CSMD1: variants seen among roughly 807,000 people sequenced by gnomAD.
CSMD1 encodes the protein CUB and Sushi multiple domains 1, also known as CUB and sushi domain-containing protein 1.
In CSMD1, 213 loss-of-function variants were observed where a neutral mutation model predicts 417.5. The ratio of observed to expected loss-of-function variants is 0.51; its 90% confidence interval spans 0.46 to 0.57. The LOEUF is 0.57. CSMD1 is among the 20% of genes least tolerant of loss of function. The pLI, the probability that CSMD1 is intolerant of heterozygous loss-of-function variation, is 0.00. For missense variants in CSMD1, 6,923 were observed against 4,529.7 expected, an observed-to-expected ratio of 1.53 and a Z score of -15.17; for synonymous variants, 2,862 against 1,736.8, an observed-to-expected ratio of 1.65 and a Z score of -16.11.
intron 6 of CSMD1, among the ~76,000 whole-genome samples, chr8:3,727,967 T>C (rs1585142474): frequency 6.6e-6 from 1 of 152,182 alleles, no homozygotes; most frequent in African/African-American, 2.4e-5. Flanking sequence ...GTTTAATGGG[T>C]GCAGACTTTC....
chr8:3,012,825 C>T (rs1307609082), intron 52 of CSMD1, among the ~76,000 whole-genome samples: 7 of 152,140 alleles, frequency 4.6e-5, no homozygotes, highest in African/African-American at 9.7e-5. Context: ...GCTGTGTCCC[C>T]ACCCAAATCT....
chr8:4,324,516 C>T (rs1313442080), intron 3 of CSMD1, among the ~76,000 whole-genome samples: 1 of 152,166 alleles, frequency 6.6e-6, no homozygotes, highest in Non-Finnish European at 1.5e-5. Context: ...AAAGAGGGTT[C>T]TTCTCCACCC....
At chr8:4,573,860 G>C (rs1288075396) in intron 2 of CSMD1, among the ~76,000 whole-genome samples, 1 of 152,182 alleles carries the variant, frequency 6.6e-6, no homozygotes, top group African/African-American at 2.4e-5. Flanking sequence ...GGCTACAGTG[G>C]CTTTGCCGTG....
chr8:3,726,697 G>A (rs138914985), intron 6 of CSMD1, among the ~76,000 whole-genome samples: 1 of 152,140 alleles, frequency 6.6e-6, no homozygotes, highest in Non-Finnish European at 1.5e-5. Context: ...GTGGTACGAG[G>A]TGTATATTTA....
chr8:3,977,991 G>C (rs966793559), intron 5 of CSMD1, among the ~76,000 whole-genome samples: 16 of 152,174 alleles, frequency 1.1e-4, no homozygotes, highest in East Asian at 7.7e-4. Flanking sequence ...CTTACCATGA[G>C]AGCATCTCAT....
intron 2 of CSMD1, among the ~76,000 whole-genome samples, chr8:4,598,331 A>C (rs1366499706): frequency 1.3e-5 from 2 of 152,166 alleles, no homozygotes; most frequent in African/African-American, 2.4e-5. Context: ...AGCAGTCTAA[A>C]CAGCTGAAAA....
At chr8:3,804,138 G>A (rs990963485) in intron 5 of CSMD1, among the ~76,000 whole-genome samples, 1 of 151,888 alleles carries the variant, frequency 6.6e-6, no homozygotes, top group Admixed American at 6.6e-5. Flanking sequence ...CACCATGTTG[G>A]CCAGGCTGGT....
At chr8:3,561,976 TG>T (rs1171038913) in intron 10 of CSMD1, among the ~76,000 whole-genome samples, 2 of 152,150 alleles carry the variant, frequency 1.3e-5, no homozygotes, top group Non-Finnish European at 2.9e-5. Context: ...CTGCAGGGCT[TG>T]CCTTATCTGC....
chr8:3,355,022 G>A (rs1585044405), intron 21 of CSMD1, among the ~76,000 whole-genome samples: 1 of 123,262 alleles, frequency 8.1e-6, no homozygotes, highest in South Asian at 2.3e-4. Flanking sequence ...ATACAGGCAA[G>A]ATATTTTGTT....
intron 3 of CSMD1, among the ~76,000 whole-genome samples, chr8:4,126,806 C>G (rs1447801179): frequency 1.3e-5 from 2 of 152,264 alleles, no homozygotes; most frequent in Non-Finnish European, 1.5e-5. Flanking sequence ...GAGATGTGTC[C>G]TAACCTGGGG....
chr8:4,466,208 A>G (rs1034613843), intron 2 of CSMD1, among the ~76,000 whole-genome samples: 9 of 152,150 alleles, frequency 5.9e-5, no homozygotes, highest in Admixed American at 2.0e-4. Context: ...TGCTTTTATA[A>G]TAGTGAGACA....
At chr8:3,910,838 A>G (rs761195183) in intron 5 of CSMD1, among the ~76,000 whole-genome samples, 24 of 152,232 alleles carry the variant, frequency 1.6e-4, no homozygotes, top group Non-Finnish European at 3.1e-4. Flanking sequence ...CCAAATCTCT[A>G]TCTTATTTCT....
intron 5 of CSMD1, among the ~76,000 whole-genome samples, chr8:3,814,724 TCTTAA>T: frequency 6.6e-6 from 1 of 152,078 alleles, no homozygotes; most frequent in East Asian, 1.9e-4. Context: ...GAAGTAGAAA[TCTTAA>T]CTTAGGTATG....
chr8:3,770,387 G>C lies in CSMD1; in HGVS notation c.819-16345C>G, dbSNP rs1193291047. Among the ~76,000 whole-genome samples, 2 of 152,232 alleles carry C rather than the reference G, an allele frequency of 1.3e-5. 1 individual carries two copies. The highest frequency in any genetic ancestry group is 1.3e-4 in the Admixed American group (2 of 15,296). On this transcript the variant is annotated intron_variant, in intron 5 of 69. Coordinates refer to ENST00000635120, the MANE Select transcript of CSMD1 (RefSeq NM_033225.6). ...CTACTAAAAATACAAAAATTAGCCAGGCACGGTGGTGCGTGCCTGTAATTC... is the reference window on the plus strand; with the variant it reads ...CTACTAAAAATACAAAAATTAGCCACGCACGGTGGTGCGTGCCTGTAATTC...
chr8:4,312,450 C>CGCATATATATATACGT (rs1563435394), intron 3 of CSMD1, among the ~76,000 whole-genome samples: 3 of 123,616 alleles, frequency 2.4e-5, no homozygotes, highest in African/African-American at 1.3e-4. Flanking sequence ...TATATATATA[C>CGCATATATATATACGT]GTATATATAT....
intron 39 of CSMD1, among the ~76,000 whole-genome samples, chr8:3,155,899 T>C (rs1480544698): frequency 6.6e-6 from 1 of 152,190 alleles, no homozygotes; most frequent in African/African-American, 2.4e-5. Context: ...TTTCGTGCAG[T>C]TTTATTTTCC....
At chr8:4,005,171 A>C (rs550882565) in intron 4 of CSMD1, among the ~76,000 whole-genome samples, 9 of 152,254 alleles carry the variant, frequency 5.9e-5, no homozygotes, top group African/African-American at 2.2e-4. Context: ...GATAAAAGAC[A>C]ACATATATGA....
intron 1 of CSMD1, among the ~76,000 whole-genome samples, chr8:4,859,390 A>G (rs1191968467): frequency 2.6e-5 from 4 of 152,310 alleles, no homozygotes; most frequent in East Asian, 1.9e-4. Flanking sequence ...AAAAAGCAAT[A>G]GCAACAAAAG....
intron 2 of CSMD1, among the ~76,000 whole-genome samples, chr8:4,607,375 C>T (rs774623173): frequency 6.6e-5 from 10 of 152,158 alleles, no homozygotes; most frequent in South Asian, 6.2e-4. Flanking sequence ...AGGAATAATA[C>T]GGAGTAGTTG....
Sources: allele counts gnomAD v4.1 joint callset (sites outside exome capture counted in the v4.1 genomes callset), GRCh38; gene constraint gnomAD v4.1.1; transcripts MANE v1.5; gene names NCBI Gene and HGNC (gene_info 2026-07-23, HGNC 2026-07-21).